UNK: variants seen among roughly 807,000 people sequenced by gnomAD.
UNK encodes RING finger protein unkempt homolog.
UNK carries 32 observed loss-of-function variants against 97.6 expected under a neutral mutation model. The ratio of observed to expected loss-of-function variants is 0.33; its 90% CI spans 0.25 to 0.44. UNK has a LOEUF of 0.44. UNK is among the 20% of genes least tolerant of loss of function. UNK has a pLI of 1.00. For missense variants in UNK, 771 were observed against 1,098.4 expected, an observed-to-expected ratio of 0.70 and a Z score of 4.21; for synonymous variants, 441 against 461.2, an observed-to-expected ratio of 0.96 and a Z score of 0.56.
chr17:75,786,870 CA>C (rs1205780268), intron 1 of UNK, among the ~76,000 whole-genome samples: 1 of 151,346 alleles, frequency 6.6e-6, no homozygotes, highest in East Asian at 1.9e-4. Context: ...AAAACAGAAA[CA>C]AAAACAAAAA....
At position 75,818,887 on chromosome 17, in the gene UNK, G is replaced by A. The variant is rs889105794; in HGVS notation, c.1546+71G>A. 13 of 1,445,110 alleles carry A rather than the reference G, an allele frequency of 9.0e-6. No homozygotes were observed. Among genetic ancestry groups the A allele is most frequent in the Middle Eastern group, 1.8e-4 (1 of 5,548 alleles). The allele number at this position is 1,445,110 out of a possible 1,614,324, so 89.5% of individuals were successfully genotyped here. A position where few individuals can be genotyped will look rare whatever the true frequency, so the allele number is the denominator to read the frequency against. ...TCAGAGACCCCCCAGTCTCTGAAGC[G>A]AGTCTCAAATCAGCACACCAGACCC... On this transcript the variant is annotated intron_variant, in intron 11 of 15. Coordinates refer to ENST00000589666, the MANE Select transcript of UNK (RefSeq NM_001080419.3). The surrounding 1 kb of genome is among the most constrained non-coding windows in gnomAD (Gnocchi z 5.1).
intron 1 of UNK, among the ~76,000 whole-genome samples, chr17:75,795,385 G>T (rs1251400771): frequency 1.3e-5 from 2 of 152,064 alleles, no homozygotes; most frequent in Non-Finnish European, 2.9e-5. Flanking sequence ...TGTTGTCCAG[G>T]CTGGAGTGCA....
At chr17:75,785,292 C>T (rs1414641157) in intron 1 of UNK, 2 of 319,896 alleles carry the variant, frequency 6.3e-6, no homozygotes, top group African/African-American at 2.2e-5. Context: ...GACCATAAAA[C>T]CACAGTAGTA....
At chr17:75,805,028 A>G (rs1213207086) in intron 1 of UNK, among the ~76,000 whole-genome samples, 5 of 151,312 alleles carry the variant, frequency 3.3e-5, no homozygotes, top group African/African-American at 9.7e-5. Context: ...AACAATACAA[A>G]AAATTAGCCG....
At chr17:75,810,134 C>T (rs561481828) in intron 2 of UNK, among the ~76,000 whole-genome samples, 165 bp downstream of exon 2, 9 of 152,348 alleles carry the variant, frequency 5.9e-5, no homozygotes, top group African/African-American at 2.2e-4. Context: ...CGGTAGGCTG[C>T]GGGGAGGTAC....
Position 75,784,828 on chromosome 17 carries a change from C to G in UNK, c.-53C>G, listed in dbSNP as rs371296829. Reference sequence around the variant, plus strand: ...GGCGCACTGGGTCCTCGGCGCGGACCGCGCAGACTGAATAATAAAAGGGGA... The same window carrying G: ...GGCGCACTGGGTCCTCGGCGCGGACGGCGCAGACTGAATAATAAAAGGGGA... On this transcript the variant is annotated 5_prime_UTR_variant, in exon 1 of 16. Transcript: ENST00000589666. 23 of 1,577,380 alleles carry G rather than the reference C, an allele frequency of 1.5e-5. No homozygotes were observed. Among genetic ancestry groups the G allele is most frequent in the Non-Finnish European group, 1.1e-5 (13 of 1,148,294 alleles).
chr17:75,810,392 G>T (rs527597292), intron 2 of UNK, among the ~76,000 whole-genome samples: 1 of 152,138 alleles, frequency 6.6e-6, no homozygotes, highest in East Asian at 1.9e-4. Context: ...CAGACACAGG[G>T]AGGTGCCACA....
In UNK at chr17:75,818,196, C is replaced by T. The variant is rs1405766353; in HGVS notation, c.1371+28C>T. The T allele has an allele frequency of 1.2e-6, 2 of 1,612,534 alleles. No homozygotes were observed. Among genetic ancestry groups the T allele is most frequent in the Non-Finnish European group, 8.5e-7 (1 of 1,179,296 alleles). On this transcript the variant is annotated intron_variant, in intron 10 of 15. Transcript: ENST00000589666. The surrounding 1 kb of genome is among the most constrained non-coding windows in gnomAD (Gnocchi z 5.1). The stretch of plus-strand genomic sequence containing the variant: ...ATAGAGCTCTCAGCCCCCTTCCTCC[C>T]CTCTGCTGTGGACAGGAGTGGCCCA...
At chr17:75,815,483 C>G (rs906263195) in intron 7 of UNK, among the ~76,000 whole-genome samples, 3 of 152,170 alleles carry the variant, frequency 2.0e-5, no homozygotes, top group Admixed American at 2.0e-4. Context: ...AGGGATTGTC[C>G]GCCTGGTTGA....
chr17:75,806,559 G>A (rs985252996), intron 1 of UNK, among the ~76,000 whole-genome samples: 10 of 152,048 alleles, frequency 6.6e-5, no homozygotes, highest in African/African-American at 2.4e-4. Context: ...GAATCACAAG[G>A]TCAGGAGTTC....
At chr17:75,803,364 C>T (rs1174527287) in intron 1 of UNK, among the ~76,000 whole-genome samples, 1 of 152,168 alleles carries the variant, frequency 6.6e-6, no homozygotes, top group Non-Finnish European at 1.5e-5. Context: ...GATCACGCCA[C>T]TGCATTTCAG....
intron 1 of UNK, chr17:75,809,116 G>A (rs1244830411): frequency 2.4e-5 from 2 of 82,800 alleles, no homozygotes; most frequent in Non-Finnish European, 4.9e-5. Context: ...GGGGGGGCGG[G>A]TATCTTCAGA....
In UNK at chr17:75,819,265, C is replaced by T. The variant is rs1378341904; in HGVS notation, c.1547-419C>T. 3 of 246,892 alleles carry T rather than the reference C, an allele frequency of 1.2e-5. No homozygotes were observed. The highest frequency in any genetic ancestry group is 2.3e-5 in the Non-Finnish European group (3 of 128,704). The allele number at this position is 246,892 out of a possible 1,614,324, so 15.3% of individuals were successfully genotyped here. A position where few individuals can be genotyped will look rare whatever the true frequency, so the allele number is the denominator to read the frequency against. On this transcript the variant is annotated intron_variant, in intron 11 of 15. Transcript: ENST00000589666. This position sits in a 1 kb window ranked among gnomAD's most constrained non-coding sequence, Gnocchi z 5.4. ...CAGATGACAACATGCTGCTCCTGCCCTCTAGAGGGAAACTTCCCACCCAGT... is the reference window on the plus strand; with the variant it reads ...CAGATGACAACATGCTGCTCCTGCCTTCTAGAGGGAAACTTCCCACCCAGT...
At chr17:75,788,759 G>A (rs1025775264) in intron 1 of UNK, among the ~76,000 whole-genome samples, 2 of 152,166 alleles carry the variant, frequency 1.3e-5, no homozygotes, top group African/African-American at 2.4e-5. Context: ...CTGGTGTACA[G>A]TGGCATGGGA....
intron 1 of UNK, among the ~76,000 whole-genome samples, chr17:75,787,394 C>T (rs889820798): frequency 3.3e-5 from 5 of 151,560 alleles, no homozygotes; most frequent in Non-Finnish European, 5.9e-5. Flanking sequence ...TTTGTAGAGA[C>T]GTGATTTTGC....
chr17:75,820,067 A>G lies in UNK; in HGVS notation c.1796A>G (p.Glu599Gly). 1 of 1,613,628 alleles carries G rather than the reference A, an allele frequency of 6.2e-7. No individual in the cohort carries two copies. The highest frequency in any genetic ancestry group is 8.5e-7 in the Non-Finnish European group (1 of 1,179,732). Residue 599 changes from glutamate (E) to glycine (G), a missense_variant, in exon 13 of 16, where the codon GAA (glutamate) becomes GGA (glycine). This residue lies in a region of UNK where 91 missense variants were observed against 173.1 expected (regional missense o/e 0.53). Transcript: ENST00000589666. Reference sequence around the variant, plus strand: ...CCCCAGGGCCACCTGAGTCAGTCGGAAAACACATTTTTGGGAACCTCAGCA... The same window carrying G: ...CCCCAGGGCCACCTGAGTCAGTCGGGAAACACATTTTTGGGAACCTCAGCA... Reference protein sequence around the residue: ...QQPQGHLSQSENTFLGTSASH... With the variant: ...QQPQGHLSQSGNTFLGTSASH...
Position 75,818,576 on chromosome 17 carries a change from A to G in UNK, c.1372-66A>G. 1 of 1,510,120 alleles carries G rather than the reference A, an allele frequency of 6.6e-7. No individual in the cohort carries two copies. The highest frequency in any genetic ancestry group is 8.9e-7 in the Non-Finnish European group (1 of 1,123,900). The allele number at this position is 1,510,120 out of a possible 1,614,324, so 93.5% of individuals were successfully genotyped here. ...TTTCCCTTGCCCCCAGCCCCTCTCC[A>G]GCCTCTCGTCCTGGCCTCCGTATGC... On this transcript the variant is annotated intron_variant, in intron 10 of 15. Coordinates refer to ENST00000589666, the MANE Select transcript of UNK (RefSeq NM_001080419.3). The surrounding 1 kb of genome is among the most constrained non-coding windows in gnomAD (Gnocchi z 5.1).
At chr17:75,810,561 T>C (rs1294937208) in intron 2 of UNK, among the ~76,000 whole-genome samples, 1 of 152,138 alleles carries the variant, frequency 6.6e-6, no homozygotes, top group African/African-American at 2.4e-5. Context: ...TCAGCCCTCT[T>C]TCTTTTTTAA....
At chr17:75,791,332 A>T (rs1213946607) in intron 1 of UNK, among the ~76,000 whole-genome samples, 1 of 152,248 alleles carries the variant, frequency 6.6e-6, no homozygotes, top group East Asian at 1.9e-4. Context: ...CAGTTTATGT[A>T]TTACGTAAAT....
Sources: allele counts gnomAD v4.1 joint callset (sites outside exome capture counted in the v4.1 genomes callset), GRCh38; gene constraint gnomAD v4.1.1; regional missense constraint gnomAD v4.1.1; non-coding constraint Gnocchi (gnomAD v3.1); transcripts MANE v1.5; gene names NCBI Gene and HGNC (gene_info 2026-07-23, HGNC 2026-07-21).